CPED1: variants seen among roughly 807,000 people sequenced by gnomAD.
CPED1 encodes the protein cadherin-like and PC-esterase domain-containing protein 1.
In CPED1, 114 loss-of-function variants were observed where a neutral mutation model predicts 128.2. That is an observed-to-expected ratio of 0.89 (90% confidence interval 0.76 to 1.04). The LOEUF (loss-of-function observed/expected upper bound fraction) is 1.04, where lower values mean the gene tolerates loss of function less well. Ranked by LOEUF, CPED1 falls within the 50% of genes least tolerant of loss-of-function variation. The probability of loss-of-function intolerance (pLI) is 0.00; values close to 1 mark genes in which losing one functional copy is unlikely to be tolerated. For missense variants in CPED1, 1,211 were observed against 1,207.1 expected (o/e 1.00, Z -0.05); for synonymous variants, 462 against 426.7 (o/e 1.08, Z -1.02).
At position 121,133,878 on chromosome 7, in the gene CPED1, A is replaced by G. The variant is rs1488793542; in HGVS notation, c.1633A>G (p.Ile545Val). 6.3e-7 allele frequency: 1 copy of G among 1,577,608 alleles called. No individual in the cohort carries two copies. Among genetic ancestry groups the G allele is most frequent in the Non-Finnish European group, 8.7e-7 (1 of 1,152,976 alleles). ...AAAACCACAAGTGCCATTTGATGCA[A>G]TAGAAAATAAAAAAGGTAAAAATAT... ...IEKPQVPFDA[I>V]ENKKAAVPQI... is the part of the protein sequence containing the mutation. The change falls in exon 13 of 23, where the codon ATA becomes GTA. Residue 545 changes from isoleucine (I) to valine (V), a missense_variant. Ile to Val is a conservative substitution (Grantham distance 29, BLOSUM62 3). Transcript: ENST00000310396.
intron 11 of CPED1, among the ~76,000 whole-genome samples, chr7:121,128,767 C>T (rs1795574026): frequency 6.6e-6 from 1 of 152,110 alleles, no homozygotes; most frequent in Non-Finnish European, 1.5e-5. Flanking sequence ...AAAATGCCAA[C>T]ATTTTTCTGA....
At chr7:121,241,454 C>G (rs1356397758) in intron 17 of CPED1, among the ~76,000 whole-genome samples, 2 of 144,628 alleles carry the variant, frequency 1.4e-5, no homozygotes, top group African/African-American at 5.0e-5. Context: ...TTTTGCCATT[C>G]AAAAACCAGC....
At chr7:121,070,868 C>A (rs12536407) in intron 5 of CPED1, among the ~76,000 whole-genome samples, 7,940 of 152,142 alleles carry the variant, frequency 0.052, 688 homozygotes, top group African/African-American at 0.18. Flanking sequence ...ATAACTGAAG[C>A]AAGTTTATTA....
At chr7:121,109,830 C>T (rs886894920) in intron 7 of CPED1, among the ~76,000 whole-genome samples, 1 of 152,104 alleles carries the variant, frequency 6.6e-6, no homozygotes, top group African/African-American at 2.4e-5. Flanking sequence ...AGAAGAAAAA[C>T]ATTATGCTAA....
intron 16 of CPED1, among the ~76,000 whole-genome samples, chr7:121,224,858 T>TATG (rs991571214): frequency 2.1e-5 from 3 of 145,590 alleles, no homozygotes; most frequent in African/African-American, 7.5e-5. Flanking sequence ...ATTTTGATCC[T>TATG]ATGTGTATCT....
At chr7:121,144,827 A>G (rs1337354704) in intron 16 of CPED1, among the ~76,000 whole-genome samples, 2 of 152,032 alleles carry the variant, frequency 1.3e-5, no homozygotes, top group African/African-American at 4.8e-5. Context: ...TGTATCCACA[A>G]CAATTAAAAA....
chr7:121,202,878 C>G, intron 16 of CPED1, among the ~76,000 whole-genome samples: 1 of 152,104 alleles, frequency 6.6e-6, no homozygotes, highest in Non-Finnish European at 1.5e-5. Flanking sequence ...TCTTCTGATT[C>G]ATTTTCCAAA....
At chr7:121,219,811 G>A (rs894695317) in intron 16 of CPED1, among the ~76,000 whole-genome samples, 3 of 151,926 alleles carry the variant, frequency 2.0e-5, no homozygotes, top group South Asian at 2.1e-4. Flanking sequence ...AAACTAAAAC[G>A]TACTTGTAAT....
intron 16 of CPED1, among the ~76,000 whole-genome samples, chr7:121,172,994 G>T (rs1441521289): frequency 2.6e-5 from 4 of 152,112 alleles, no homozygotes; most frequent in Non-Finnish European, 5.9e-5. Flanking sequence ...TCATCTTTGT[G>T]TGTATACATA....
chr7:121,090,093 G>A lies in CPED1; in HGVS notation c.617-7606G>A, dbSNP rs980742040. 2.6e-5 allele frequency among the ~76,000 whole-genome samples: 4 copies of A among 152,246 alleles called. No individual in the cohort carries two copies. In the East Asian group the frequency reaches 7.7e-4, roughly 29 times the overall value. On this transcript the variant is annotated intron_variant, in intron 5 of 22. Transcript: ENST00000310396. The stretch of plus-strand genomic sequence containing the variant: ...TGGTCAAAACATAGAGCAGTCCAAG[G>A]GGAAAATTATTTCTGTAGAATTGCA...
chr7:121,219,834 C>A (rs546886001), intron 16 of CPED1, among the ~76,000 whole-genome samples: 1 of 152,022 alleles, frequency 6.6e-6, no homozygotes, highest in Non-Finnish European at 1.5e-5. Context: ...CTCACTAAAA[C>A]ATAATAACAC....
intron 4 of CPED1, among the ~76,000 whole-genome samples, chr7:121,063,647 G>C (rs1327821623): frequency 4.6e-5 from 7 of 152,148 alleles, no homozygotes; most frequent in Admixed American, 1.3e-4. Context: ...TTGGGTATTA[G>C]TTTGGGGATT....
intron 3 of CPED1, among the ~76,000 whole-genome samples, chr7:121,020,882 G>GT (rs1792421789): frequency 6.6e-6 from 1 of 151,896 alleles, no homozygotes; most frequent in East Asian, 1.9e-4. Flanking sequence ...GTAAACAACA[G>GT]TAAGTTATGC....
chr7:121,091,294 T>G (rs1165158255), intron 5 of CPED1, among the ~76,000 whole-genome samples: 1 of 152,188 alleles, frequency 6.6e-6, no homozygotes, highest in Non-Finnish European at 1.5e-5. Flanking sequence ...CCTGGGATAC[T>G]GCAATGCAAA....
At chr7:121,239,641 C>G (rs1798341568) in intron 17 of CPED1, among the ~76,000 whole-genome samples, 1 of 152,080 alleles carries the variant, frequency 6.6e-6, no homozygotes, top group African/African-American at 2.4e-5. Context: ...TTAAAAAATG[C>G]TTTGTATTAT....
intron 22 of CPED1, among the ~76,000 whole-genome samples, chr7:121,286,840 A>G (rs1792589040): frequency 6.6e-6 from 1 of 152,132 alleles, no homozygotes; most frequent in Non-Finnish European, 1.5e-5. Context: ...GGACTTCCTG[A>G]GACTGCGTAA....
intron 3 of CPED1, among the ~76,000 whole-genome samples, chr7:121,044,797 C>G (rs1271675168): frequency 6.6e-6 from 1 of 151,794 alleles, no homozygotes; most frequent in African/African-American, 2.4e-5. Context: ...ATATTTCTAT[C>G]AACTCTAGAA....
intron 17 of CPED1, among the ~76,000 whole-genome samples, chr7:121,242,869 CTCTT>C (rs939774841): frequency 7.9e-5 from 12 of 152,028 alleles, no homozygotes; most frequent in South Asian, 6.2e-4. Context: ...ACATTTCTTT[CTCTT>C]TCTGTGTTCA....
rs180860497 is a variant in CPED1 at position 121,053,884 on chromosome 7, C to T, written c.540+6891C>T. On this transcript the variant is annotated intron_variant, in intron 4 of 22. Coordinates refer to ENST00000310396, the MANE Select transcript of CPED1 (RefSeq NM_024913.5). ...ATTGTTATTAAATTTTTTGTTGTTG[C>T]TCAAATTGTTCCAGCTTTGGTCATT... Among the ~76,000 whole-genome samples the T allele has an allele frequency of 3.6e-3, 548 of 152,154 alleles. 3 individuals carry two copies. Among genetic ancestry groups the T allele is most frequent in the Non-Finnish European group, 6.2e-3 (419 of 67,988 alleles).
Sources: gnomAD v4.1 joint callset for allele counts (sites outside exome capture counted in the v4.1 genomes callset) on GRCh38, gnomAD v4.1.1 for gene constraint, MANE v1.5 for transcripts, NCBI Gene and HGNC (gene_info 2026-07-23, HGNC 2026-07-21) for gene names.